The following COMMD10 variants were observed in gnomAD, a reference collection of about 807,000 sequenced individuals.
COMMD10 encodes COMM domain-containing protein 10.
COMMD10 carries 33 observed loss-of-function variants against 28.9 expected under a neutral mutation model. That is an observed-to-expected ratio of 1.14 (90% CI 0.87 to 1.53). The LOEUF (loss-of-function observed/expected upper bound fraction) is 1.53. Among genes scored for constraint, COMMD10 ranks in the 40% most tolerant of loss-of-function variants. The pLI, the probability that COMMD10 is intolerant of heterozygous loss-of-function variation, is 0.00. For synonymous variants in COMMD10, 110 were observed against 81.7 expected (o/e 1.35, Z -1.87); for missense variants, 310 against 233.4 (o/e 1.33, Z -2.14).
chr5:116,277,213 C>T (rs981874536), intron 5 of COMMD10, among the ~76,000 whole-genome samples: 1 of 151,784 alleles, frequency 6.6e-6, no homozygotes, highest in African/African-American at 2.4e-5. Context: ...ATATTTCAAA[C>T]ATAAAATAAA....
chr5:116,213,338 T>TA (rs892821809), intron 5 of COMMD10, among the ~76,000 whole-genome samples: 1 of 152,180 alleles, frequency 6.6e-6, no homozygotes, highest in Non-Finnish European at 1.5e-5. Context: ...ACATCAGTCT[T>TA]ACAGCTTTCT....
intron 2 of COMMD10, among the ~76,000 whole-genome samples, chr5:116,090,236 A>G (rs1227945409): frequency 1.3e-5 from 2 of 152,172 alleles, no homozygotes; most frequent in African/African-American, 2.4e-5. Flanking sequence ...ATCCTGGCAT[A>G]TACAAATACA....
At chr5:116,215,636 G>GC (rs1434666402) in intron 5 of COMMD10, among the ~76,000 whole-genome samples, 1 of 149,818 alleles carries the variant, frequency 6.7e-6, no homozygotes, top group Non-Finnish European at 1.5e-5. Flanking sequence ...GCAGTGAGCT[G>GC]AGATCAGGCC....
intron 5 of COMMD10, among the ~76,000 whole-genome samples, chr5:116,232,309 A>C (rs1297398435): frequency 6.6e-6 from 1 of 151,896 alleles, no homozygotes; most frequent in Non-Finnish European, 1.5e-5. Context: ...AATAATGAGT[A>C]TTGCACTGCA....
At chr5:116,142,234 A>T (rs769644144) in intron 5 of COMMD10, among the ~76,000 whole-genome samples, 1 of 151,856 alleles carries the variant, frequency 6.6e-6, no homozygotes, top group Non-Finnish European at 1.5e-5. Context: ...CAAACTCATC[A>T]TTAATATATT....
At chr5:116,101,824 T>C (rs1040908094) in intron 4 of COMMD10, among the ~76,000 whole-genome samples, 23 of 152,356 alleles carry the variant, frequency 1.5e-4, no homozygotes, top group East Asian at 1.9e-4. Flanking sequence ...CATTTTTAAA[T>C]GTATCTGTTG....
At chr5:116,140,241 G>GTGTGTGTGTGTGTGTGTGTC (rs1434210448) in intron 5 of COMMD10, among the ~76,000 whole-genome samples, 1 of 151,416 alleles carries the variant, frequency 6.6e-6, no homozygotes, top group African/African-American at 2.4e-5. Context: ...ATGTGTGTGT[G>GTGTGTGTGTGTGTGTGTGTC]TGTGTGTGTG....
intron 5 of COMMD10, among the ~76,000 whole-genome samples, chr5:116,181,556 C>A (rs914630454): frequency 6.6e-6 from 1 of 151,110 alleles, no homozygotes; most frequent in African/African-American, 2.4e-5. Flanking sequence ...TCATAAAAAT[C>A]CACATAAAGA....
chr5:116,128,805 G>A (rs992636616), intron 4 of COMMD10, among the ~76,000 whole-genome samples: 2 of 151,862 alleles, frequency 1.3e-5, no homozygotes, highest in African/African-American at 2.4e-5. Flanking sequence ...TTATTTTATG[G>A]CGTATCCCTC....
chr5:116,248,719 T>G (rs1561391375), intron 5 of COMMD10, among the ~76,000 whole-genome samples: 1 of 151,972 alleles, frequency 6.6e-6, no homozygotes, highest in Non-Finnish European at 1.5e-5. Flanking sequence ...ACTCTTGTTT[T>G]CCTTTTCTAC....
At chr5:116,157,465 G>A (rs1223801249) in intron 5 of COMMD10, among the ~76,000 whole-genome samples, 3 of 152,094 alleles carry the variant, frequency 2.0e-5, no homozygotes, top group African/African-American at 7.2e-5. Context: ...GGGATGAGTG[G>A]ACTTTATGTC....
At chr5:116,272,112 C>T (rs1193274723) in intron 5 of COMMD10, among the ~76,000 whole-genome samples, 2 of 151,730 alleles carry the variant, frequency 1.3e-5, no homozygotes, top group Admixed American at 1.3e-4. Context: ...ACATAGGCTC[C>T]ATTAAGGTCG....
At chr5:116,087,378 C>T (rs1482130300) in intron 1 of COMMD10, 119 bp from the exon 2 acceptor site, 1 of 599,442 alleles carries the variant, frequency 1.7e-6, no homozygotes, top group African/African-American at 1.9e-5. Flanking sequence ...GTTTTTATTT[C>T]ACTCAGATTT....
At chr5:116,253,607 T>A (rs1159135277) in intron 5 of COMMD10, among the ~76,000 whole-genome samples, 1 of 140,718 alleles carries the variant, frequency 7.1e-6, no homozygotes, top group Non-Finnish European at 1.5e-5. Flanking sequence ...ATTTATTGAT[T>A]TGTGTATATT....
intron 5 of COMMD10, among the ~76,000 whole-genome samples, chr5:116,157,273 G>C (rs1752747980): frequency 6.6e-6 from 1 of 152,058 alleles, no homozygotes; most frequent in Non-Finnish European, 1.5e-5. Context: ...GGTAACATCA[G>C]TTAGCTATTG....
chr5:116,216,226 T>C (rs1447534818), intron 5 of COMMD10, among the ~76,000 whole-genome samples: 1 of 152,176 alleles, frequency 6.6e-6, no homozygotes, highest in African/African-American at 2.4e-5. Flanking sequence ...ATCTTTATTA[T>C]TGGAAAAAGG....
intron 4 of COMMD10, among the ~76,000 whole-genome samples, chr5:116,098,332 T>C (rs1054205642): frequency 6.6e-6 from 1 of 152,188 alleles, no homozygotes; most frequent in African/African-American, 2.4e-5. Context: ...TTAACTGTTT[T>C]ATGGTAACTT....
chr5:116,124,022 C>T (rs1305541875), intron 4 of COMMD10, among the ~76,000 whole-genome samples: 2 of 151,780 alleles, frequency 1.3e-5, no homozygotes, highest in Admixed American at 1.3e-4. Context: ...AAACTGGTTT[C>T]TGGATTCATT....
chr5:116,264,812 C>T lies in COMMD10; in HGVS notation c.511-26705C>T, dbSNP rs144349554. ...ATGTCATGTAAATGCAAAGTACGGT[C>T]AGTTCTTTTAGCCTAAGACATTATT... On this transcript the variant is annotated intron_variant, in intron 5 of 6. Transcript: ENST00000274458. Among the ~76,000 whole-genome samples the T allele has an allele frequency of 1.1e-4, 17 of 151,862 alleles. 1 individual carries two copies. In the East Asian group the frequency reaches 1.9e-3, roughly 17 times the overall value.
Sources: gnomAD v4.1 joint callset for allele counts (sites outside exome capture counted in the v4.1 genomes callset) on GRCh38, gnomAD v4.1.1 for gene constraint, MANE v1.5 for transcripts, NCBI Gene and HGNC (gene_info 2026-07-23, HGNC 2026-07-21) for gene names.